Variants in CEP95 observed in about 807,000 individuals in gnomAD.
CEP95 encodes centrosomal protein of 95 kDa.
A neutral mutation model predicts 111.2 loss-of-function variants in CEP95; 98 were observed. The observed-to-expected ratio is 0.88, with a 90% CI of 0.75 to 1.04. The LOEUF is 1.04. Among genes scored for constraint, CEP95 ranks in the 50% least tolerant of loss-of-function variants. The pLI is 0.00. For missense variants in CEP95, 1,027 were observed against 977.2 expected (o/e 1.05, Z -0.68); for synonymous variants, 323 against 327.1 (o/e 0.99, Z 0.14).
At chr17:64,509,798 T>A (rs565637131) in intron 2 of CEP95, among the ~76,000 whole-genome samples, 1 of 152,124 alleles carries the variant, frequency 6.6e-6, no homozygotes, top group South Asian at 2.1e-4. Context: ...TAAAGTATCA[T>A]GTCTTGGCTC....
chr17:64,511,077 G>A (rs1482009493), intron 3 of CEP95, among the ~76,000 whole-genome samples: 1 of 152,106 alleles, frequency 6.6e-6, no homozygotes, highest in Non-Finnish European at 1.5e-5. Context: ...AATAGGTTGT[G>A]GGTCACAGAC....
chr17:64,533,744 T>TAA lies in CEP95; in HGVS notation c.1917+554_1917+555dup, dbSNP rs1349111946. Among the ~76,000 whole-genome samples the TAA allele has an allele frequency of 3.9e-5, 6 of 152,302 alleles. No homozygotes were observed. The South Asian group carries it at 1.2e-3, about 32-fold the overall frequency. Reference sequence around the variant, plus strand: ...TGAAAACCCTGAAGCTTTGAGATACTAAGTAACTTGCCCTGGGTCTCACTG... The same window carrying TAA: ...TGAAAACCCTGAAGCTTTGAGATACTAAAAGTAACTTGCCCTGGGTCTCACTG... On this transcript the variant is annotated intron_variant, in intron 16 of 19. Transcript: ENST00000556440.
At chr17:64,518,702 CAG>C (rs1201724052) in intron 5 of CEP95, among the ~76,000 whole-genome samples, 1 of 151,042 alleles carries the variant, frequency 6.6e-6, no homozygotes, top group Non-Finnish European at 1.5e-5. Context: ...TTTTTTGAGA[CAG>C]AGTTTTGCTC....
chr17:64,524,802 C>T (rs994961445), intron 8 of CEP95, among the ~76,000 whole-genome samples: 1 of 147,916 alleles, frequency 6.8e-6, no homozygotes, highest in Non-Finnish European at 1.5e-5. Context: ...GAAACCCTGT[C>T]TCTACTGAAA....
At chr17:64,507,232 G>T in intron 1 of CEP95, 116 bp downstream of exon 1, 1 of 1,523,294 alleles carries the variant, frequency 6.6e-7, no homozygotes, top group South Asian at 1.2e-5. Context: ...ACCTTCAGAC[G>T]CCGCGTCGCG....
chr17:64,508,639 C>T lies in CEP95; in HGVS notation c.67C>T (p.Leu23=), dbSNP rs755945888. ...CCTTCTTTTTAAGTGTCATATACAT[C>T]TGAGAATACATGAACTTCAAGACTG... ...NNLLFKCHIH[L]RIHELQDCDA... Residue 23 remains leucine (L), a synonymous_variant, in exon 2 of 20, where the codon CTG becomes TTG. Transcript: ENST00000556440. The T allele has an allele frequency of 1.4e-6, 2 of 1,461,872 alleles. No homozygotes were observed. The highest frequency in any genetic ancestry group is 1.8e-6 in the Non-Finnish European group (2 of 1,097,916). 90.6% of individuals were successfully genotyped at this position (1,461,872 alleles called of 1,614,324 possible). A position where few individuals can be genotyped will look rare whatever the true frequency, so the allele number is the denominator to read the frequency against.
intron 11 of CEP95, among the ~76,000 whole-genome samples, chr17:64,527,951 TC>T (rs1427684746): frequency 6.6e-5 from 10 of 151,510 alleles, no homozygotes; most frequent in Admixed American, 2.6e-4. Flanking sequence ...ACATGTTGTT[TC>T]CAGTTTTCAT....
chr17:64,511,672 C>T (rs538197357), intron 3 of CEP95, among the ~76,000 whole-genome samples: 28 of 152,178 alleles, frequency 1.8e-4, no homozygotes, highest in Non-Finnish European at 3.8e-4. Context: ...ACATCCTCCT[C>T]GGTTTACAAG....
intron 4 of CEP95, among the ~76,000 whole-genome samples, chr17:64,515,412 CT>C (rs1218396406): frequency 1.3e-5 from 2 of 152,178 alleles, no homozygotes; most frequent in African/African-American, 4.8e-5. Flanking sequence ...AAAACAACCT[CT>C]AAGTAAAGAG....
intron 1 of CEP95, 104 bp downstream of exon 1, chr17:64,507,220 T>A: frequency 5.9e-6 from 9 of 1,531,140 alleles, no homozygotes; most frequent in Non-Finnish European, 7.9e-6. Flanking sequence ...GCGGGGCTCG[T>A]GACCTTCAGA....
chr17:64,509,615 G>C (rs1018452961), intron 2 of CEP95, among the ~76,000 whole-genome samples: 4 of 152,250 alleles, frequency 2.6e-5, no homozygotes, highest in Non-Finnish European at 5.9e-5. Context: ...AGCCGGGAAA[G>C]TGGAGGTTGT....
chr17:64,510,116 G>A, intron 2 of CEP95, 57 bp from the exon 3 acceptor site: 1 of 897,196 alleles, frequency 1.1e-6, no homozygotes, highest in Non-Finnish European at 1.8e-6. Context: ...CAGAGACAAT[G>A]AGATGAAAAC....
intron 1 of CEP95, 52 bp from the exon 2 acceptor site, chr17:64,508,540 G>A: frequency 2.3e-6 from 3 of 1,298,998 alleles, no homozygotes; most frequent in Non-Finnish European, 3.0e-6. Flanking sequence ...ATGTCTGTGT[G>A]ATTTTTTTCT....
intron 3 of CEP95, among the ~76,000 whole-genome samples, chr17:64,511,925 G>A (rs570299242): frequency 4.6e-4 from 70 of 152,264 alleles, no homozygotes; most frequent in African/African-American, 1.5e-3. Context: ...CTGACTTCTC[G>A]CAACACCTGG....
intron 8 of CEP95, among the ~76,000 whole-genome samples, chr17:64,524,348 G>T (rs931969110): frequency 6.6e-6 from 1 of 151,878 alleles, no homozygotes; most frequent in African/African-American, 2.4e-5. Flanking sequence ...TCGCTGTGTC[G>T]CCCAGGCTGG....
intron 5 of CEP95, among the ~76,000 whole-genome samples, chr17:64,517,726 A>G (rs1008100133): frequency 2.2e-5 from 3 of 136,992 alleles, no homozygotes; most frequent in Non-Finnish European, 4.6e-5. Flanking sequence ...CAGAGATGGC[A>G]TCTTGCTATA....
chr17:64,516,752 G>A lies in CEP95; in HGVS notation c.397G>A (p.Asp133Asn). Residue 133 changes from aspartate to asparagine, a missense_variant, in exon 5 of 20, where the codon GAT becomes AAT. By Grantham distance (23) the Asp-to-Asn change is conservative. Transcript: ENST00000556440. ...AACTGAACAGTATTTTAAAGAATCTGATCGAGGAGAACGTTTGGAAGAGCC... is the reference window on the plus strand; with the variant it reads ...AACTGAACAGTATTTTAAAGAATCTAATCGAGGAGAACGTTTGGAAGAGCC... The part of the protein sequence containing the change: ...SETEQYFKES[D>N]RGERLEEPES... The A allele has an allele frequency of 6.2e-7, 1 of 1,611,806 alleles. No individual in the cohort carries two copies. The highest frequency in any genetic ancestry group is 8.5e-7 in the Non-Finnish European group (1 of 1,178,070).
intron 4 of CEP95, 106 bp from the exon 5 acceptor site, chr17:64,516,617 G>T: frequency 1.9e-6 from 1 of 531,550 alleles, no homozygotes; most frequent in Non-Finnish European, 3.3e-6. Context: ...GTTTACCATG[G>T]CAAGTTAGGG....
At chr17:64,532,690 GGA>G (rs1398109697) in intron 14 of CEP95, 147 bp from the exon 15 acceptor site, 8 of 1,439,340 alleles carry the variant, frequency 5.6e-6, no homozygotes, top group Non-Finnish European at 1.8e-6. Context: ...TCCAATCAGA[GGA>G]GTAATGCAAA....
Sources: allele counts gnomAD v4.1 joint callset (sites outside exome capture counted in the v4.1 genomes callset), GRCh38; gene constraint gnomAD v4.1.1; transcripts MANE v1.5; gene names NCBI Gene and HGNC (gene_info 2026-07-23, HGNC 2026-07-21).